The following SLC2A14 variants were observed in gnomAD, a reference collection of about 807,000 sequenced individuals.
The protein encoded by SLC2A14 is solute carrier family 2, facilitated glucose transporter member 14.
SLC2A14 carries 13 observed loss-of-function variants against 43.0 expected under a neutral mutation model. That is an observed-to-expected ratio of 0.30 (90% CI 0.20 to 0.48). SLC2A14 has a LOEUF of 0.48. Ranked by LOEUF, SLC2A14 falls within the 20% of genes least tolerant of loss-of-function variation. The pLI is 0.99. For synonymous variants in SLC2A14, 190 were observed against 233.8 expected, an observed-to-expected ratio of 0.81 and a Z score of 1.71; for missense variants, 428 against 620.4, an observed-to-expected ratio of 0.69 and a Z score of 3.29.
chr12:7,887,930 G>A (rs948441713), intron 1 of SLC2A14, among the ~76,000 whole-genome samples: 5 of 152,030 alleles, frequency 3.3e-5, no homozygotes, highest in Non-Finnish European at 7.4e-5. Flanking sequence ...TCAGAGTCAC[G>A]AGTCAAACTG....
chr12:7,878,991 A>C (rs1246896827), intron 1 of SLC2A14, among the ~76,000 whole-genome samples: 31 of 91,676 alleles, frequency 3.4e-4, no homozygotes, highest in African/African-American at 1.2e-3. Flanking sequence ...AAAAAAAAAA[A>C]AAAAAAAAAA....
chr12:7,862,486 T>A (rs1358146196), intron 2 of SLC2A14, among the ~76,000 whole-genome samples: 1 of 152,130 alleles, frequency 6.6e-6, no homozygotes, highest in Non-Finnish European at 1.5e-5. Context: ...TGTGGCCTCC[T>A]GTGCGGACGA....
Position 7,814,469 on chromosome 12 carries a change from G to A in SLC2A14, c.1341C>T (p.Thr447=), listed in dbSNP as rs1459031099. The A allele has an allele frequency of 6.2e-7, 1 of 1,613,508 alleles. No homozygotes were observed. The highest frequency in any genetic ancestry group is 8.5e-7 in the Non-Finnish European group (1 of 1,179,832). Residue 447 remains threonine, a synonymous_variant, in exon 11 of 11, where the codon ACC becomes ACT. Transcript: ENST00000431042. ...CACGGGTCTCAGGGACTTTGAAGAA[G>A]GTAAAGGCCAAGAAGGTAATGAGGA... ...TGFLITFLAF[T]FFKVPETRGR...
chr12:7,833,861 C>T (rs1865230714), intron 2 of SLC2A14, among the ~76,000 whole-genome samples: 1 of 151,902 alleles, frequency 6.6e-6, no homozygotes, highest in African/African-American at 2.4e-5. Flanking sequence ...AATAATTCAG[C>T]TGGGCAAGTG....
intron 2 of SLC2A14, among the ~76,000 whole-genome samples, chr12:7,865,211 A>C (rs891981418): frequency 2.0e-5 from 3 of 152,092 alleles, no homozygotes; most frequent in African/African-American, 7.2e-5. Context: ...TTTGGCATGA[A>C]CCATACCTAT....
At chr12:7,864,993 C>T (rs1944830824) in intron 2 of SLC2A14, among the ~76,000 whole-genome samples, 1 of 152,036 alleles carries the variant, frequency 6.6e-6, no homozygotes, top group South Asian at 2.1e-4. Context: ...TTGCATTTTG[C>T]TCCTATTGCG....
At chr12:7,868,665 T>G (rs1162752553) in intron 2 of SLC2A14, among the ~76,000 whole-genome samples, 1 of 152,106 alleles carries the variant, frequency 6.6e-6, no homozygotes, top group Non-Finnish European at 1.5e-5. Context: ...AAAAGCTACA[T>G]ATTAGCCTGT....
chr12:7,881,467 C>T (rs1417510060), intron 1 of SLC2A14, among the ~76,000 whole-genome samples: 6 of 152,012 alleles, frequency 3.9e-5, no homozygotes, highest in South Asian at 2.1e-4. Context: ...CCAGCAGTGC[C>T]GGCCCACCGG....
At position 7,870,588 on chromosome 12, in the gene SLC2A14, C is replaced by A. The variant is rs1592313660; in HGVS notation, c.-57-651G>T. On this transcript the variant is annotated intron_variant, in intron 1 of 10. Transcript: ENST00000431042. ...GAGGAGGAGAATTAGGACAGACTGTCCCTTCCACTATTCCACATCCTCCTT... is the reference window on the plus strand; with the variant it reads ...GAGGAGGAGAATTAGGACAGACTGTACCTTCCACTATTCCACATCCTCCTT... Among the ~76,000 whole-genome samples the A allele has an allele frequency of 3.3e-5, 5 of 152,054 alleles. No individual in the cohort carries two copies. In the East Asian group the frequency reaches 7.7e-4, roughly 23 times the overall value.
At chr12:7,823,509 G>A (rs1022210927) in intron 7 of SLC2A14, among the ~76,000 whole-genome samples, 1 of 152,144 alleles carries the variant, frequency 6.6e-6, no homozygotes, top group African/African-American at 2.4e-5. Context: ...GATCACCTTA[G>A]GTTGGAGTTC....
At chr12:7,875,911 G>A (rs1423749744), upstream of SLC2A14, among the ~76,000 whole-genome samples, 1 of 152,072 alleles carries the variant, frequency 6.6e-6, no homozygotes, top group Non-Finnish European at 1.5e-5. Context: ...AGGAGGTGGA[G>A]GTTGCAGTGA....
upstream of SLC2A14, among the ~76,000 whole-genome samples, chr12:7,874,685 A>AAT (rs1209638837): frequency 1.8e-4 from 26 of 145,024 alleles, 1 homozygote; most frequent in African/African-American, 5.8e-4. Context: ...AAAATATATA[A>AAT]ATATATATAT....
intron 2 of SLC2A14, chr12:7,856,312 C>A (rs1008119296): frequency 6.6e-6 from 1 of 152,066 alleles, no homozygotes; most frequent in Non-Finnish European, 1.5e-5. Context: ...ATGATAATCT[C>A]CCACGAGCGG....
intron 1 of SLC2A14, among the ~76,000 whole-genome samples, chr12:7,883,557 C>T (rs1011220698): frequency 8.7e-5 from 13 of 149,944 alleles, no homozygotes; most frequent in African/African-American, 2.2e-4. Context: ...TGAGCCACCA[C>T]GCCCGGCCTC....
At chr12:7,838,065 TTTG>T (rs993442375) in intron 2 of SLC2A14, among the ~76,000 whole-genome samples, 6 of 150,126 alleles carry the variant, frequency 4.0e-5, no homozygotes, top group East Asian at 3.9e-4. Flanking sequence ...GCCTACCTTT[TTTG>T]TTGTTGTTAT....
intron 1 of SLC2A14, among the ~76,000 whole-genome samples, chr12:7,888,725 G>A (rs1480921613): frequency 2.0e-5 from 3 of 151,212 alleles, no homozygotes; most frequent in Non-Finnish European, 4.4e-5. Flanking sequence ...TTGAACCTGG[G>A]AGGTAGAGGT....
intron 1 of SLC2A14, among the ~76,000 whole-genome samples, chr12:7,882,310 G>C (rs1945596057): frequency 6.6e-6 from 1 of 151,840 alleles, no homozygotes; most frequent in Admixed American, 6.6e-5. Context: ...TCCTGAGTCA[G>C]GGAGACCACC....
At chr12:7,873,432 A>T (rs570175233), upstream of SLC2A14, 1 of 871,122 alleles carries the variant, frequency 1.1e-6, no homozygotes, top group African/African-American at 1.8e-5. Flanking sequence ...ACTTGAGGTC[A>T]GGGGTTCGAG....
chr12:7,822,825 A>T (rs1410813258), intron 7 of SLC2A14, among the ~76,000 whole-genome samples: 1 of 152,174 alleles, frequency 6.6e-6, no homozygotes, highest in African/African-American at 2.4e-5. Flanking sequence ...GATTATAGGC[A>T]TGTGCCATCA....
Sources: allele counts gnomAD v4.1 joint callset (sites outside exome capture counted in the v4.1 genomes callset), GRCh38; gene constraint gnomAD v4.1.1; transcripts MANE v1.5; gene names NCBI Gene and HGNC (gene_info 2026-07-23, HGNC 2026-07-21).